The following SCGN variants were observed in gnomAD, a reference collection of about 807,000 sequenced individuals.
SCGN encodes the protein secretagogin, EF-hand calcium binding protein.
Under a neutral mutation model 39.7 loss-of-function variants are expected in SCGN, and 30 were observed. The ratio of observed to expected loss-of-function variants is 0.76; its 90% CI spans 0.57 to 1.03. SCGN has a LOEUF of 1.03. Among genes scored for constraint, SCGN ranks in the 50% least tolerant of loss-of-function variants. The pLI, the probability that SCGN is intolerant of heterozygous loss-of-function variation, is 0.00. For synonymous variants in SCGN, 106 were observed against 114.1 expected (o/e 0.93, Z 0.45); for missense variants, 353 against 349.4 (o/e 1.01, Z -0.08).
At chr6:25,657,175 A>T (rs12195457) in intron 2 of SCGN, among the ~76,000 whole-genome samples, 22,760 of 152,182 alleles carry the variant, frequency 0.15, 1,799 homozygotes, top group Middle Eastern at 0.2. Context: ...TGGTTGACAG[A>T]AGAACCTGGA....
intron 10 of SCGN, among the ~76,000 whole-genome samples, chr6:25,691,838 A>T (rs891587652): frequency 6.6e-6 from 1 of 152,164 alleles, no homozygotes; most frequent in African/African-American, 2.4e-5. Context: ...GTTGGGCCAG[A>T]TGGCAAAAAA....
chr6:25,653,578 T>C, intron 2 of SCGN, 126 bp downstream of exon 2: 1 of 675,338 alleles, frequency 1.5e-6, no homozygotes, highest in South Asian at 2.0e-5. Flanking sequence ...ATGTAATTTC[T>C]CCCCCTCTCC....
chr6:25,654,003 A>G (rs1561758677), intron 2 of SCGN, among the ~76,000 whole-genome samples: 1 of 152,218 alleles, frequency 6.6e-6, no homozygotes, highest in Non-Finnish European at 1.5e-5. Context: ...TCTAGTGTCC[A>G]TCTGATGGTA....
chr6:25,665,706 C>G lies in SCGN; in HGVS notation c.336+674C>G, dbSNP rs555520890. Among the ~76,000 whole-genome samples, 3 of 152,278 alleles carry G rather than the reference C, an allele frequency of 2.0e-5. No individual in the cohort carries two copies. The East Asian group carries it at 5.8e-4, about 29-fold the overall frequency. On this transcript the variant is annotated intron_variant, in intron 4 of 10. Coordinates refer to ENST00000377961, the MANE Select transcript of SCGN (RefSeq NM_006998.4). Reference sequence around the variant, plus strand: ...TCAAGACAGCCACTGTATCCGGGACCCCACACTGGAAATAGTTACCATGTC... The same window carrying G: ...TCAAGACAGCCACTGTATCCGGGACGCCACACTGGAAATAGTTACCATGTC...
rs1048529336 is a variant in SCGN, at chr6:25,664,342, C to T, written c.247-601C>T. On this transcript the variant is annotated intron_variant, in intron 3 of 10. Coordinates refer to ENST00000377961, the MANE Select transcript of SCGN (RefSeq NM_006998.4). ...TATACAACATCTTACCAGCAAACCA[C>T]AGTGATTAAAAGTGTGGGCTTGAGA... Among the ~76,000 whole-genome samples the T allele has an allele frequency of 3.8e-4, 58 of 152,184 alleles. 1 individual carries two copies. Among genetic ancestry groups the T allele is most frequent in the African/African-American group, 1.3e-3 (54 of 41,434 alleles).
chr6:25,689,568 T>A, intron 9 of SCGN, 36 bp downstream of exon 9: 1 of 1,579,736 alleles, frequency 6.3e-7, no homozygotes, highest in East Asian at 2.2e-5. Flanking sequence ...TGGCCATCTC[T>A]GAGTAGGAAA....
intron 10 of SCGN, among the ~76,000 whole-genome samples, chr6:25,696,313 C>T (rs569035591): frequency 1.1e-4 from 16 of 152,176 alleles, no homozygotes; most frequent in Admixed American, 1.0e-3. Context: ...ACTGACTTTT[C>T]TCCTATGTAT....
rs758764564 is a variant in SCGN, at chr6:25,665,042, TG to T, written c.336+12del. 21 of 1,604,598 alleles carry T rather than the reference TG, an allele frequency of 1.3e-5. No individual in the cohort carries two copies. The highest frequency in any genetic ancestry group is 2.2e-5 in the East Asian group (1 of 44,842). ...CGTGGAGTTTATGCAGGTGAGTGCT[TG>T]GTTGTGTCTCTGTGAAGAAAGAGGA... On this transcript the variant is annotated intron_variant, in intron 4 of 10. Coordinates refer to ENST00000377961, the MANE Select transcript of SCGN (RefSeq NM_006998.4).
chr6:25,698,325 G>T (rs1412325052), intron 10 of SCGN, among the ~76,000 whole-genome samples: 1 of 152,020 alleles, frequency 6.6e-6, no homozygotes, highest in East Asian at 1.9e-4. Context: ...TTACTATGGT[G>T]GGAAACAAAG....
intron 6 of SCGN, among the ~76,000 whole-genome samples, chr6:25,672,511 G>A (rs1285247680): frequency 6.6e-6 from 1 of 152,150 alleles, no homozygotes; most frequent in East Asian, 1.9e-4. Context: ...AAGGTGAGAT[G>A]TGAGGAGGGA....
intron 4 of SCGN, among the ~76,000 whole-genome samples, chr6:25,668,817 A>G (rs554133260): frequency 3.3e-5 from 5 of 152,292 alleles, no homozygotes; most frequent in African/African-American, 1.2e-4. Context: ...ATGCTATGTA[A>G]TTAAAAGTTA....
rs183275284 is a variant in SCGN, at chr6:25,677,631, A to T, written c.472-4320A>T. ...TTGCATATAGTCCTATTTGTCAAAA[A>T]ATTAGATAGTTGTGATATATGTGTG... On this transcript the variant is annotated intron_variant, in intron 6 of 10. Coordinates refer to ENST00000377961, the MANE Select transcript of SCGN (RefSeq NM_006998.4). Among the ~76,000 whole-genome samples the T allele has an allele frequency of 7.2e-5, 11 of 152,322 alleles. No homozygotes were observed. In the East Asian group the frequency reaches 1.9e-3, roughly 27 times the overall value.
At chr6:25,682,921 T>C (rs191066103) in intron 7 of SCGN, among the ~76,000 whole-genome samples, 1 of 152,288 alleles carries the variant, frequency 6.6e-6, no homozygotes, top group Admixed American at 6.5e-5. Context: ...AGCTATCTCC[T>C]TTCTTGGCAG....
intron 3 of SCGN, among the ~76,000 whole-genome samples, chr6:25,661,928 A>C (rs917312978): frequency 2.0e-5 from 3 of 152,200 alleles, no homozygotes; most frequent in Non-Finnish European, 4.4e-5. Context: ...GAAATGATAG[A>C]GGCCTTTCAA....
At chr6:25,697,562 G>T (rs1355086963) in intron 10 of SCGN, among the ~76,000 whole-genome samples, 3 of 152,136 alleles carry the variant, frequency 2.0e-5, no homozygotes, top group Non-Finnish European at 2.9e-5. Context: ...TATTTTAAGA[G>T]AATTGGAATG....
intron 2 of SCGN, among the ~76,000 whole-genome samples, chr6:25,656,850 A>T (rs1160654015): frequency 6.6e-6 from 1 of 152,176 alleles, no homozygotes; most frequent in Non-Finnish European, 1.5e-5. Context: ...TTTACTTTAA[A>T]ATCTAATTTT....
At chr6:25,663,156 A>C (rs1760368286) in intron 3 of SCGN, among the ~76,000 whole-genome samples, 1 of 152,192 alleles carries the variant, frequency 6.6e-6, no homozygotes, top group South Asian at 2.1e-4. Context: ...GAGTCTAAGG[A>C]GCAGCAAGGC....
At chr6:25,684,227 G>A (rs999860102) in intron 7 of SCGN, among the ~76,000 whole-genome samples, 3 of 152,116 alleles carry the variant, frequency 2.0e-5, no homozygotes, top group Non-Finnish European at 2.9e-5. Flanking sequence ...TGTGTACTTG[G>A]GGGGATTCAA....
chr6:25,661,056 G>A (rs1760327197), intron 2 of SCGN, among the ~76,000 whole-genome samples: 1 of 152,028 alleles, frequency 6.6e-6, no homozygotes, highest in Non-Finnish European at 1.5e-5. Flanking sequence ...TTATTACTTT[G>A]GTCTCCTCTT....
Sources: allele counts gnomAD v4.1 joint callset (sites outside exome capture counted in the v4.1 genomes callset), GRCh38; gene constraint gnomAD v4.1.1; transcripts MANE v1.5; gene names NCBI Gene and HGNC (gene_info 2026-07-23, HGNC 2026-07-21).